Variants in SGIP1 observed in about 807,000 individuals in gnomAD.
SGIP1 encodes SH3GL interacting endocytic adaptor 1, also known as SH3-containing GRB2-like protein 3-interacting protein 1.
A neutral mutation model predicts 107.5 loss-of-function variants in SGIP1; 38 were observed. That is an observed-to-expected ratio of 0.35 (90% CI 0.27 to 0.46). SGIP1 has a LOEUF of 0.46. Among genes scored for constraint, SGIP1 ranks in the 20% least tolerant of loss-of-function variants. The probability of loss-of-function intolerance (pLI) is 1.00; values close to 1 mark genes in which losing one functional copy is unlikely to be tolerated. For synonymous variants in SGIP1, 365 were observed against 366.1 expected (o/e 1.00, Z 0.03); for missense variants, 929 against 1,019.5 (o/e 0.91, Z 1.21).
intron 1 of SGIP1, among the ~76,000 whole-genome samples, chr1:66,586,824 A>G (rs868412046): frequency 3.9e-5 from 6 of 151,948 alleles, no homozygotes; most frequent in African/African-American, 1.4e-4. Context: ...TTTTCCTTCT[A>G]TTTAGAGCAT....
At chr1:66,735,870 G>A (rs1255997612) in intron 21 of SGIP1, among the ~76,000 whole-genome samples, 1 of 150,820 alleles carries the variant, frequency 6.6e-6, no homozygotes, top group African/African-American at 2.4e-5. Flanking sequence ...GAGATCGTGT[G>A]GTATTGGTCT....
intron 7 of SGIP1, among the ~76,000 whole-genome samples, chr1:66,659,634 G>A: frequency 6.7e-6 from 1 of 149,318 alleles, no homozygotes; most frequent in East Asian, 1.9e-4. Flanking sequence ...ATTAGGCCAG[G>A]CACGGTGGTT....
intron 7 of SGIP1, chr1:66,659,990 GAAAGAAAGAC>G (rs1240066380): frequency 1.2e-5 from 1 of 81,324 alleles, no homozygotes; most frequent in African/African-American, 8.4e-5. Context: ...AAGAAAGAAA[GAAAGAAAGAC>G]AGACAGACAG....
intron 1 of SGIP1, among the ~76,000 whole-genome samples, chr1:66,551,866 T>A (rs1440384204): frequency 6.6e-6 from 1 of 152,146 alleles, no homozygotes; most frequent in Non-Finnish European, 1.5e-5. Flanking sequence ...GAGATAAAAT[T>A]AACTCATAGA....
chr1:66,587,348 C>T (rs1485036368), intron 1 of SGIP1, among the ~76,000 whole-genome samples: 2 of 148,394 alleles, frequency 1.3e-5, no homozygotes, highest in East Asian at 3.9e-4. Flanking sequence ...CTCACATGTC[C>T]TTAAGGCTCT....
intron 1 of SGIP1, among the ~76,000 whole-genome samples, chr1:66,599,886 A>G (rs2065433863): frequency 6.6e-6 from 1 of 152,154 alleles, no homozygotes; most frequent in Admixed American, 6.5e-5. Context: ...TTTCAACCTG[A>G]TGAACTCCAA....
intron 18 of SGIP1, among the ~76,000 whole-genome samples, chr1:66,701,854 G>A: frequency 6.6e-6 from 1 of 152,196 alleles, no homozygotes; most frequent in East Asian, 1.9e-4. Context: ...GGCCAAAATG[G>A]AAGGAATAGG....
rs371575732 is a variant in SGIP1, at chr1:66,670,901, T to A, written c.484-94T>A. On this transcript the variant is annotated intron_variant, in intron 9 of 24. Transcript: ENST00000371037. ...AGTTCATTTCCCTATCTGCATTTAT[T>A]TGAGTTCAGTTTAATTGCAATGACA... 1.1e-5 allele frequency: 6 copies of A among 568,070 alleles called. No homozygotes were observed. The East Asian group carries it at 1.9e-4, about 18-fold the overall frequency. The allele number at this position is 568,070 out of a possible 1,614,324, so 35.2% of individuals were successfully genotyped here.
At chr1:66,735,403 C>A (rs1171872488) in intron 21 of SGIP1, among the ~76,000 whole-genome samples, 1 of 151,756 alleles carries the variant, frequency 6.6e-6, no homozygotes, top group Admixed American at 6.6e-5. Flanking sequence ...TCGATAGAGA[C>A]GGGGTTTCAC....
At chr1:66,607,308 A>G (rs1489082243) in intron 1 of SGIP1, among the ~76,000 whole-genome samples, 1 of 152,220 alleles carries the variant, frequency 6.6e-6, no homozygotes, top group East Asian at 1.9e-4. Context: ...TATCACCCAC[A>G]GTGTTCAGGT....
intron 1 of SGIP1, among the ~76,000 whole-genome samples, chr1:66,600,553 T>C (rs973475956): frequency 6.6e-6 from 1 of 152,156 alleles, no homozygotes; most frequent in African/African-American, 2.4e-5. Context: ...AGTAGGAGTT[T>C]TGCTGGGTGA....
intron 1 of SGIP1, among the ~76,000 whole-genome samples, chr1:66,583,657 C>A (rs925891995): frequency 6.6e-6 from 1 of 152,098 alleles, no homozygotes; most frequent in Non-Finnish European, 1.5e-5. Context: ...TTGGATAAGC[C>A]TTCCTATTCC....
intron 1 of SGIP1, among the ~76,000 whole-genome samples, chr1:66,576,061 C>T (rs947453666): frequency 5.9e-5 from 9 of 152,122 alleles, no homozygotes; most frequent in Non-Finnish European, 1.3e-4. Flanking sequence ...TTATATATTG[C>T]AGCAAGAGGT....
At chr1:66,543,499 T>A (rs1248523306) in intron 1 of SGIP1, among the ~76,000 whole-genome samples, 1 of 152,212 alleles carries the variant, frequency 6.6e-6, no homozygotes, top group African/African-American at 2.4e-5. Context: ...ATTTTAGTAA[T>A]GATTCCAAAA....
chr1:66,626,038 T>A, intron 2 of SGIP1, 128 bp downstream of exon 2: 1 of 559,026 alleles, frequency 1.8e-6, no homozygotes, highest in Non-Finnish European at 3.0e-6. Context: ...CATTTCTGAG[T>A]AAATTGTAAT....
At chr1:66,717,922 C>A (rs2093335280) in intron 18 of SGIP1, among the ~76,000 whole-genome samples, 1 of 152,140 alleles carries the variant, frequency 6.6e-6, no homozygotes, top group Non-Finnish European at 1.5e-5. Context: ...CTGATGGTAA[C>A]TCATTGAGGA....
At chr1:66,668,654 G>A (rs1475320619) in intron 9 of SGIP1, among the ~76,000 whole-genome samples, 3 of 152,200 alleles carry the variant, frequency 2.0e-5, no homozygotes, top group Non-Finnish European at 4.4e-5. Context: ...ATTATTTGAT[G>A]CAAATACCCT....
chr1:66,550,141 C>T (rs1271943361), intron 1 of SGIP1, among the ~76,000 whole-genome samples: 1 of 152,112 alleles, frequency 6.6e-6, no homozygotes, highest in Non-Finnish European at 1.5e-5. Context: ...TCTTGTTCAC[C>T]ACTGGCCTAG....
intron 1 of SGIP1, among the ~76,000 whole-genome samples, chr1:66,600,949 C>G (rs72918426): frequency 2.6e-5 from 4 of 152,148 alleles, no homozygotes; most frequent in Non-Finnish European, 4.4e-5. Flanking sequence ...AATTTAGACT[C>G]GTTTTTGAAA....
Sources: allele counts gnomAD v4.1 joint callset (sites outside exome capture counted in the v4.1 genomes callset), GRCh38; gene constraint gnomAD v4.1.1; transcripts MANE v1.5; gene names NCBI Gene and HGNC (gene_info 2026-07-23, HGNC 2026-07-21).